The following MECOM variants were observed in gnomAD, a reference collection of about 807,000 sequenced individuals.
The protein encoded by MECOM is histone-lysine N-methyltransferase MECOM.
Under a neutral mutation model 116.3 loss-of-function variants are expected in MECOM, and 13 were observed. That is an observed-to-expected ratio of 0.11 (90% CI 0.07 to 0.18). The LOEUF (loss-of-function observed/expected upper bound fraction) is 0.18, where lower values mean the gene tolerates loss of function less well. Among genes scored for constraint, MECOM ranks in the 10% least tolerant of loss-of-function variants. The probability of loss-of-function intolerance (pLI) is 1.00; values close to 1 mark genes in which losing one functional copy is unlikely to be tolerated. For missense variants in MECOM, 1,299 were observed against 1,509.0 expected, an observed-to-expected ratio of 0.86 and a Z score of 2.31; for synonymous variants, 528 against 535.2, an observed-to-expected ratio of 0.99 and a Z score of 0.19.
chr3:169,545,600 T>C (rs1760631692), intron 1 of MECOM, among the ~76,000 whole-genome samples: 2 of 152,216 alleles, frequency 1.3e-5, no homozygotes, highest in African/African-American at 4.8e-5. Flanking sequence ...TTAGGCTCTT[T>C]CTTCTCTACA....
At chr3:169,192,325 A>G (rs1204251569) in intron 2 of MECOM, among the ~76,000 whole-genome samples, 1 of 152,110 alleles carries the variant, frequency 6.6e-6, no homozygotes, top group African/African-American at 2.4e-5. Flanking sequence ...AATATATCAA[A>G]TGTAACATCA....
intron 2 of MECOM, among the ~76,000 whole-genome samples, chr3:169,367,799 T>C (rs1729436915): frequency 6.6e-6 from 1 of 151,942 alleles, no homozygotes; most frequent in Admixed American, 6.6e-5. Flanking sequence ...CCAACAATAA[T>C]ACAATTAACT....
chr3:169,486,086 G>A (rs1752353805), intron 1 of MECOM, among the ~76,000 whole-genome samples: 1 of 142,634 alleles, frequency 7.0e-6, no homozygotes, highest in Non-Finnish European at 1.5e-5. Context: ...AGTTTGATGT[G>A]GTTTTAGGTG....
At chr3:169,584,340 C>G (rs985077504) in intron 1 of MECOM, among the ~76,000 whole-genome samples, 3 of 151,520 alleles carry the variant, frequency 2.0e-5, no homozygotes, top group Non-Finnish European at 4.4e-5. Context: ...CCGGGGCGGG[C>G]GGATCACGAG....
At position 169,183,906 on chromosome 3, in the gene MECOM, C is replaced by T. The variant is rs569311353; in HGVS notation, c.376-40074G>A. Among the ~76,000 whole-genome samples the T allele has an allele frequency of 6.6e-5, 10 of 150,880 alleles. No homozygotes were observed. In the South Asian group the frequency reaches 2.1e-3, roughly 32 times the overall value. On this transcript the variant is annotated intron_variant, in intron 2 of 16. Transcript: ENST00000651503. ...GTGAGACGGAGTCTCCCTCTGTTGC[C>T]CAGGCTGGAGTGCAGTGGTGCGATC...
chr3:169,478,976 T>C (rs1320578839), intron 1 of MECOM, among the ~76,000 whole-genome samples: 2 of 152,224 alleles, frequency 1.3e-5, no homozygotes, highest in African/African-American at 4.8e-5. Flanking sequence ...CATTATTTAT[T>C]CACCAAAATA....
intron 2 of MECOM, among the ~76,000 whole-genome samples, chr3:169,345,365 G>T (rs2149796679): frequency 6.6e-6 from 1 of 152,144 alleles, no homozygotes; most frequent in South Asian, 2.1e-4. Context: ...AGACATCATG[G>T]CTCCACAGGT....
At chr3:169,142,857 T>C (rs746810306) in intron 3 of MECOM, among the ~76,000 whole-genome samples, 1 of 151,972 alleles carries the variant, frequency 6.6e-6, no homozygotes, top group African/African-American at 2.4e-5. Context: ...AGCAACCACT[T>C]CAATATGGTC....
intron 1 of MECOM, among the ~76,000 whole-genome samples, chr3:169,607,239 C>G (rs1768704042): frequency 6.6e-6 from 1 of 152,186 alleles, no homozygotes; most frequent in Admixed American, 6.5e-5. Context: ...GTCTCGATAT[C>G]CATCTTCCTT....
chr3:169,112,446 A>G (rs951467910), intron 9 of MECOM, among the ~76,000 whole-genome samples: 5 of 152,130 alleles, frequency 3.3e-5, no homozygotes, highest in Non-Finnish European at 7.4e-5. Flanking sequence ...GAGTCACAGT[A>G]TGATCTATTT....
intron 1 of MECOM, 79 bp from the exon 2 acceptor site, chr3:169,381,603 G>T: frequency 1.8e-6 from 2 of 1,085,098 alleles, no homozygotes; most frequent in Non-Finnish European, 2.6e-6. Flanking sequence ...ACCTTATTAT[G>T]TTGTTCTTTG....
At chr3:169,343,534 T>A (rs555920458) in intron 2 of MECOM, among the ~76,000 whole-genome samples, 22 of 152,120 alleles carry the variant, frequency 1.4e-4, no homozygotes, top group African/African-American at 3.4e-4. Flanking sequence ...TGTATTTTTT[T>A]AAAAAAGAAA....
At chr3:169,249,024 T>C (rs1755931056) in intron 2 of MECOM, among the ~76,000 whole-genome samples, 1 of 152,172 alleles carries the variant, frequency 6.6e-6, no homozygotes, top group South Asian at 2.1e-4. Flanking sequence ...AGGCTCTCAA[T>C]CTCACCCAAA....
At chr3:169,186,637 G>C (rs532150027) in intron 2 of MECOM, among the ~76,000 whole-genome samples, 23 of 152,212 alleles carry the variant, frequency 1.5e-4, no homozygotes, top group Non-Finnish European at 2.8e-4. Context: ...GTGACTCCCA[G>C]TAACTTTTAC....
chr3:169,312,678 A>T (rs954411181), intron 2 of MECOM, among the ~76,000 whole-genome samples: 3 of 152,180 alleles, frequency 2.0e-5, no homozygotes, highest in Non-Finnish European at 4.4e-5. Context: ...GTGCCTGGCC[A>T]ACTCCAATTT....
At chr3:169,303,668 T>C (rs942243822) in intron 2 of MECOM, among the ~76,000 whole-genome samples, 2 of 152,222 alleles carry the variant, frequency 1.3e-5, no homozygotes, top group Admixed American at 1.3e-4. Flanking sequence ...ATCCTGATTT[T>C]GTCTAACCCT....
intron 1 of MECOM, among the ~76,000 whole-genome samples, chr3:169,505,401 A>C (rs1244691553): frequency 6.6e-6 from 1 of 151,226 alleles, no homozygotes; most frequent in Non-Finnish European, 1.5e-5. Flanking sequence ...CCTTGGGTTT[A>C]TTTCAGCTTT....
At chr3:169,656,290 A>G (rs1775536146) in intron 1 of MECOM, among the ~76,000 whole-genome samples, 2 of 152,216 alleles carry the variant, frequency 1.3e-5, no homozygotes, top group Non-Finnish European at 2.9e-5. Flanking sequence ...CCCTACACAC[A>G]TGTTTACTAA....
intron 1 of MECOM, among the ~76,000 whole-genome samples, chr3:169,398,687 C>T (rs565315617): frequency 1.3e-5 from 2 of 152,274 alleles, no homozygotes; most frequent in African/African-American, 2.4e-5. Flanking sequence ...TGGTGAGGGC[C>T]TCCTACTGTT....
Sources: gnomAD v4.1 joint callset for allele counts (sites outside exome capture counted in the v4.1 genomes callset) on GRCh38, gnomAD v4.1.1 for gene constraint, MANE v1.5 for transcripts, NCBI Gene and HGNC (gene_info 2026-07-23, HGNC 2026-07-21) for gene names.